The following ZFAND3 variants were observed in gnomAD, a reference collection of about 807,000 sequenced individuals.
The protein encoded by ZFAND3 is zinc finger AN1-type containing 3, also known as AN1-type zinc finger protein 3.
A neutral mutation model predicts 29.6 loss-of-function variants in ZFAND3; 10 were observed. The observed-to-expected ratio is 0.34, with a 90% CI of 0.21 to 0.57. ZFAND3 has a LOEUF of 0.57. ZFAND3 is among the 20% of genes least tolerant of loss of function. ZFAND3 has a pLI of 0.86. For missense variants in ZFAND3, 230 were observed against 304.5 expected (o/e 0.76, Z 1.82); for synonymous variants, 128 against 112.6 (o/e 1.14, Z -0.87).
rs1302612289 is a variant in ZFAND3 at position 37,971,829 on chromosome 6, A to G, written c.112+41830A>G. Among the ~76,000 whole-genome samples, 8 of 100,092 alleles carry G rather than the reference A, an allele frequency of 8.0e-5. No individual in the cohort carries two copies. The East Asian group carries it at 3.8e-3, about 47-fold the overall frequency. 65.7% of individuals were successfully genotyped at this position (100,092 alleles called of 152,430 possible). On this transcript the variant is annotated intron_variant, in intron 2 of 5. Coordinates refer to ENST00000287218, the MANE Select transcript of ZFAND3 (RefSeq NM_021943.3). ...AATAGTGAGACCCCATCTGTACAAA[A>G]TGAAAAAAAAAAAAAAAAAAAATTA...
intron 4 of ZFAND3, among the ~76,000 whole-genome samples, chr6:38,102,518 A>G (rs1240280977): frequency 1.3e-5 from 2 of 152,172 alleles, no homozygotes; most frequent in Non-Finnish European, 2.9e-5. Flanking sequence ...TGGGCAAGTC[A>G]TCTATACTTA....
intron 2 of ZFAND3, among the ~76,000 whole-genome samples, chr6:38,009,831 A>G (rs1581835924): frequency 2.0e-5 from 3 of 152,342 alleles, no homozygotes; most frequent in Admixed American, 6.5e-5. Flanking sequence ...CAGAATTAAC[A>G]AATAGGTTAG....
intron 4 of ZFAND3, among the ~76,000 whole-genome samples, chr6:38,106,826 A>G (rs769027100): frequency 2.0e-5 from 3 of 152,248 alleles, no homozygotes; most frequent in Admixed American, 6.5e-5. Flanking sequence ...CACTTATGAA[A>G]TAATGAATGA....
At chr6:38,067,578 T>G (rs1764371437) in intron 3 of ZFAND3, among the ~76,000 whole-genome samples, 1 of 152,264 alleles carries the variant, frequency 6.6e-6, no homozygotes, top group Non-Finnish European at 1.5e-5. Flanking sequence ...CATTTCTTTC[T>G]GCTTTTGCTA....
In ZFAND3 at chr6:38,011,819, G is replaced by A. The variant is rs145740647; in HGVS notation, c.113-49774G>A. Among the ~76,000 whole-genome samples the A allele has an allele frequency of 7.2e-5, 11 of 152,234 alleles. No individual in the cohort carries two copies. The South Asian group carries it at 1.0e-3, about 14-fold the overall frequency. On this transcript the variant is annotated intron_variant, in intron 2 of 5. Transcript: ENST00000287218. ...TATTATATCATTTATGATCACACCT[G>A]ATCAATTAAGAGGATTCGGGGAAGG...
chr6:37,863,561 T>C (rs1459523945), intron 1 of ZFAND3, among the ~76,000 whole-genome samples: 4 of 152,130 alleles, frequency 2.6e-5, no homozygotes, highest in Non-Finnish European at 4.4e-5. Context: ...TGATTTTTAA[T>C]GATGACCTGT....
At chr6:38,044,082 G>T (rs1468336336) in intron 2 of ZFAND3, among the ~76,000 whole-genome samples, 1 of 152,158 alleles carries the variant, frequency 6.6e-6, no homozygotes, top group African/African-American at 2.4e-5. Flanking sequence ...AGCTTCTCTT[G>T]TATACGTAAT....
intron 5 of ZFAND3, among the ~76,000 whole-genome samples, chr6:38,118,649 G>A (rs1765466635): frequency 6.7e-6 from 1 of 149,292 alleles, no homozygotes; most frequent in Non-Finnish European, 1.5e-5. Flanking sequence ...GCAAACAGGA[G>A]ATTTCACAAT....
intron 1 of ZFAND3, among the ~76,000 whole-genome samples, chr6:37,914,672 C>CTTTTTTTTTTTTTTTTTT (rs71542148): frequency 8.8e-6 from 1 of 114,208 alleles, no homozygotes; most frequent in Non-Finnish European, 1.8e-5. Context: ...CTTTTTTTTT[C>CTTTTTTTTTTTTTTTTTT]TTTTTTTTTT....
chr6:38,138,912 G>C (rs938904871), intron 5 of ZFAND3, among the ~76,000 whole-genome samples: 6 of 152,180 alleles, frequency 3.9e-5, no homozygotes, highest in Admixed American at 1.3e-4. Flanking sequence ...ATTTGGATTT[G>C]AGGGGAATTC....
chr6:38,074,200 G>C (rs1490227355), intron 3 of ZFAND3, among the ~76,000 whole-genome samples: 1 of 152,136 alleles, frequency 6.6e-6, no homozygotes, highest in African/African-American at 2.4e-5. Flanking sequence ...TTATGTAATA[G>C]TGTGCTTTCT....
intron 2 of ZFAND3, among the ~76,000 whole-genome samples, chr6:37,976,010 G>A (rs956911320): frequency 6.6e-6 from 1 of 152,168 alleles, no homozygotes; most frequent in Non-Finnish European, 1.5e-5. Context: ...ATCTATGATA[G>A]AAGTGATCTC....
intron 2 of ZFAND3, among the ~76,000 whole-genome samples, chr6:38,041,680 T>C (rs1392344320): frequency 1.2e-3 from 26 of 20,992 alleles, no homozygotes; most frequent in South Asian, 9.2e-3. Context: ...CTTCTTCTTC[T>C]TCTTCTCCTT....
intron 2 of ZFAND3, among the ~76,000 whole-genome samples, chr6:37,985,533 A>C (rs1316194312): frequency 3.6e-5 from 5 of 137,742 alleles, no homozygotes; most frequent in South Asian, 2.4e-4. Flanking sequence ...ACACACCCCC[A>C]CACACGCCTG....
At chr6:38,012,952 G>T (rs1305164388) in intron 2 of ZFAND3, among the ~76,000 whole-genome samples, 1 of 152,052 alleles carries the variant, frequency 6.6e-6, no homozygotes, top group East Asian at 1.9e-4. Context: ...CTTCAGTAAG[G>T]AGTTACCTTA....
chr6:37,890,688 T>A (rs1015800610), intron 1 of ZFAND3, among the ~76,000 whole-genome samples: 1 of 152,264 alleles, frequency 6.6e-6, no homozygotes, highest in African/African-American at 2.4e-5. Flanking sequence ...TAGTTATAAT[T>A]GTTGCTAATT....
chr6:37,823,404 G>A (rs1763701890), intron 1 of ZFAND3, among the ~76,000 whole-genome samples: 2 of 152,226 alleles, frequency 1.3e-5, no homozygotes, highest in Admixed American at 1.3e-4. Context: ...TCAGCAGAAT[G>A]TTTTGGCTCC....
At chr6:37,963,392 G>T (rs576642608) in intron 2 of ZFAND3, among the ~76,000 whole-genome samples, 2 of 152,102 alleles carry the variant, frequency 1.3e-5, no homozygotes, top group African/African-American at 4.8e-5. Flanking sequence ...ACATAGAAAA[G>T]AATAAAAACT....
intron 2 of ZFAND3, among the ~76,000 whole-genome samples, chr6:37,954,124 T>C (rs1458914737): frequency 1.3e-5 from 2 of 152,134 alleles, no homozygotes; most frequent in African/African-American, 4.8e-5. Flanking sequence ...AACATATCCT[T>C]TTTTTCTCTG....
Sources: allele counts gnomAD v4.1 joint callset (sites outside exome capture counted in the v4.1 genomes callset), GRCh38; gene constraint gnomAD v4.1.1; transcripts MANE v1.5; gene names NCBI Gene and HGNC (gene_info 2026-07-23, HGNC 2026-07-21).